NKAIN2: variants seen among roughly 807,000 people sequenced by gnomAD.
The protein encoded by NKAIN2 is sodium/potassium transporting ATPase interacting 2, also known as sodium/potassium-transporting ATPase subunit beta-1-interacting protein 2.
NKAIN2 carries 14 observed loss-of-function variants against 32.6 expected under a neutral mutation model. The observed-to-expected ratio is 0.43, with a 90% CI of 0.28 to 0.67. NKAIN2 has a LOEUF of 0.67. NKAIN2 is among the 30% of genes least tolerant of loss of function. The pLI, the probability that NKAIN2 is intolerant of heterozygous loss-of-function variation, is 0.17. For synonymous variants in NKAIN2, 80 were observed against 87.2 expected, an observed-to-expected ratio of 0.92 and a Z score of 0.46; for missense variants, 198 against 258.3, an observed-to-expected ratio of 0.77 and a Z score of 1.60.
At chr6:124,725,532 G>T (rs1165089695) in intron 4 of NKAIN2, among the ~76,000 whole-genome samples, 1 of 152,140 alleles carries the variant, frequency 6.6e-6, no homozygotes, top group East Asian at 1.9e-4. Context: ...GTCTTCCCAT[G>T]AATATCATAT....
chr6:123,943,663 C>T (rs1455062934), intron 1 of NKAIN2, among the ~76,000 whole-genome samples: 1 of 152,040 alleles, frequency 6.6e-6, no homozygotes, highest in East Asian at 1.9e-4. Flanking sequence ...CACTGTACTG[C>T]TAGTCTTTTT....
intron 1 of NKAIN2, among the ~76,000 whole-genome samples, chr6:124,186,723 A>T (rs867484983): frequency 6.6e-6 from 1 of 152,200 alleles, no homozygotes; most frequent in Non-Finnish European, 1.5e-5. Context: ...TTAAATTAAT[A>T]TGCCTACTGT....
chr6:124,357,599 T>C (rs1799047288), intron 3 of NKAIN2, among the ~76,000 whole-genome samples: 1 of 152,182 alleles, frequency 6.6e-6, no homozygotes, highest in Non-Finnish European at 1.5e-5. Flanking sequence ...GAGAAATTTG[T>C]GAAAAAGAAT....
rs1789885410 is a variant in NKAIN2, at chr6:124,189,033, A to G, written c.55-93972A>G. On this transcript the variant is annotated intron_variant, in intron 1 of 6. Transcript: ENST00000368417. ...ATTTTAGTTAAACACCAGATTTTCT[A>G]ATACATCACTGATTTAAATGACAGC... Among the ~76,000 whole-genome samples the G allele has an allele frequency of 3.3e-5, 5 of 152,334 alleles. No individual in the cohort carries two copies. In the South Asian group the frequency reaches 6.2e-4, roughly 19 times the overall value.
chr6:124,454,112 G>T (rs1273128927), intron 3 of NKAIN2, among the ~76,000 whole-genome samples: 3 of 145,984 alleles, frequency 2.1e-5, no homozygotes, highest in South Asian at 4.4e-4. Flanking sequence ...TTTTTGGGGG[G>T]GGGGGTTGCT....
At chr6:124,265,849 A>G (rs1794470486) in intron 1 of NKAIN2, among the ~76,000 whole-genome samples, 1 of 152,242 alleles carries the variant, frequency 6.6e-6, no homozygotes, top group South Asian at 2.1e-4. Context: ...GACTTAGTGG[A>G]GCTCACCTGT....
At chr6:124,028,348 A>G (rs1781213007) in intron 1 of NKAIN2, among the ~76,000 whole-genome samples, 2 of 142,516 alleles carry the variant, frequency 1.4e-5, no homozygotes, top group South Asian at 2.4e-4. Context: ...ATTGTGTTCA[A>G]TGTTCAAGAA....
chr6:124,015,964 C>T (rs750979065), intron 1 of NKAIN2, among the ~76,000 whole-genome samples: 2 of 152,136 alleles, frequency 1.3e-5, no homozygotes, highest in Admixed American at 6.6e-5. Context: ...AGTCAGTCTG[C>T]ATTGCTGTGC....
Position 124,091,485 on chromosome 6 carries a change from TACAG to T in NKAIN2, c.55-191514_55-191511del, listed in dbSNP as rs200627687. On this transcript the variant is annotated intron_variant, in intron 1 of 6. Coordinates refer to ENST00000368417, the MANE Select transcript of NKAIN2 (RefSeq NM_001040214.3). ...TGCATAATAAGAAAACTGAATTTCA[TACAG>T]ACAGAGTCTCTAAACATTGATTTTC... Among the ~76,000 whole-genome samples, 1,122 of 152,144 alleles carry T rather than the reference TACAG, an allele frequency of 7.4e-3. 10 individuals carry two copies. The highest frequency in any genetic ancestry group is 0.031 in the Middle Eastern group (9 of 294).
At chr6:124,092,210 G>A (rs778236119) in intron 1 of NKAIN2, among the ~76,000 whole-genome samples, 8 of 151,936 alleles carry the variant, frequency 5.3e-5, no homozygotes, top group Non-Finnish European at 8.8e-5. Context: ...AAAATATTTC[G>A]GCGTTTTTTT....
At chr6:123,913,936 T>A (rs72970728) in intron 1 of NKAIN2, among the ~76,000 whole-genome samples, 7 of 152,320 alleles carry the variant, frequency 4.6e-5, no homozygotes, top group African/African-American at 7.2e-5. Flanking sequence ...TGTTAACACT[T>A]AATATTTACT....
At chr6:124,322,475 T>G (rs1462522566) in intron 2 of NKAIN2, among the ~76,000 whole-genome samples, 2 of 152,180 alleles carry the variant, frequency 1.3e-5, no homozygotes, top group Non-Finnish European at 2.9e-5. Flanking sequence ...TTTATCAAGA[T>G]GCAGAATGAT....
intron 5 of NKAIN2, among the ~76,000 whole-genome samples, chr6:124,807,805 A>T (rs1312217783): frequency 6.6e-6 from 1 of 150,930 alleles, no homozygotes; most frequent in African/African-American, 2.4e-5. Context: ...AGGGGATATC[A>T]CCACTGATCC....
At chr6:124,398,958 C>T (rs559649595) in intron 3 of NKAIN2, among the ~76,000 whole-genome samples, 3 of 152,080 alleles carry the variant, frequency 2.0e-5, no homozygotes, top group Non-Finnish European at 2.9e-5. Context: ...ACAGAGTCTC[C>T]CTCTCTTGCC....
intron 1 of NKAIN2, among the ~76,000 whole-genome samples, chr6:124,240,780 CAGT>C (rs1462173697): frequency 1.3e-5 from 2 of 152,106 alleles, no homozygotes; most frequent in Non-Finnish European, 2.9e-5. Flanking sequence ...ATCCCACAGC[CAGT>C]ATCATATTGA....
intron 1 of NKAIN2, among the ~76,000 whole-genome samples, chr6:124,210,187 A>G (rs1436272459): frequency 6.6e-6 from 1 of 151,662 alleles, no homozygotes; most frequent in Non-Finnish European, 1.5e-5. Flanking sequence ...TTTTCCTAGC[A>G]CCATTTGGAC....
chr6:124,185,118 A>C (rs1220397304), intron 1 of NKAIN2, among the ~76,000 whole-genome samples: 1 of 152,128 alleles, frequency 6.6e-6, no homozygotes, highest in African/African-American at 2.4e-5. Flanking sequence ...ATTTCTAGAC[A>C]CTTTGGCTTT....
chr6:124,301,043 G>A (rs1796271561), intron 2 of NKAIN2, among the ~76,000 whole-genome samples: 1 of 152,156 alleles, frequency 6.6e-6, no homozygotes, highest in Admixed American at 6.5e-5. Flanking sequence ...AGAGAACTTT[G>A]CAGCAGCCCC....
intron 1 of NKAIN2, among the ~76,000 whole-genome samples, chr6:123,963,881 T>C (rs111973829): frequency 0.014 from 2,131 of 152,300 alleles, 18 homozygotes; most frequent in African/African-American, 0.022. Context: ...GTGTGGTCGC[T>C]ACAATTTATG....
Sources: allele counts gnomAD v4.1 joint callset (sites outside exome capture counted in the v4.1 genomes callset), GRCh38; gene constraint gnomAD v4.1.1; transcripts MANE v1.5; gene names NCBI Gene and HGNC (gene_info 2026-07-23, HGNC 2026-07-21).